THSD7B: variants seen among roughly 807,000 people sequenced by gnomAD.
THSD7B encodes thrombospondin type-1 domain-containing protein 7B.
Under a neutral mutation model 213.6 loss-of-function variants are expected in THSD7B, and 138 were observed. That is an observed-to-expected ratio of 0.65 (90% confidence interval 0.56 to 0.74). The LOEUF (loss-of-function observed/expected upper bound fraction) is 0.74, where lower values mean the gene tolerates loss of function less well. THSD7B is among the 30% of genes least tolerant of loss of function. The probability of loss-of-function intolerance (pLI) is 0.00; values close to 1 mark genes in which losing one functional copy is unlikely to be tolerated. For synonymous variants in THSD7B, 742 were observed against 687.0 expected, an observed-to-expected ratio of 1.08 and a Z score of -1.25; for missense variants, 1,931 against 1,991.5, an observed-to-expected ratio of 0.97 and a Z score of 0.58.
At chr2:137,600,069 T>G (rs941357302) in intron 17 of THSD7B, among the ~76,000 whole-genome samples, 1 of 152,108 alleles carries the variant, frequency 6.6e-6, no homozygotes, top group African/African-American at 2.4e-5. Context: ...CTCTCCCTTT[T>G]CTGCTTCCCC....
intron 15 of THSD7B, among the ~76,000 whole-genome samples, chr2:137,560,872 G>T (rs567391458): frequency 6.6e-5 from 10 of 152,096 alleles, no homozygotes; most frequent in Middle Eastern, 3.2e-3. Context: ...CTGGCTTAAA[G>T]CTGGGACTGT....
intron 15 of THSD7B, among the ~76,000 whole-genome samples, chr2:137,522,671 T>C (rs1442072042): frequency 5.3e-5 from 8 of 152,200 alleles, no homozygotes; most frequent in Non-Finnish European, 1.2e-4. Flanking sequence ...ATTGACATTG[T>C]CATAAATCCA....
rs572530208 is a variant in THSD7B, at chr2:137,104,172, A to C, written c.1199+9051A>C. Among the ~76,000 whole-genome samples, 8 of 152,336 alleles carry C rather than the reference A, an allele frequency of 5.3e-5. No homozygotes were observed. In the South Asian group the frequency reaches 1.0e-3, roughly 20 times the overall value. On this transcript the variant is annotated intron_variant, in intron 4 of 27. Coordinates refer to ENST00000409968, the MANE Select transcript of THSD7B (RefSeq NM_001316349.2). ...GCAAATGTAAAAGAACAGAAATAAT[A>C]ACAAACAGTCTCTCAGACCACAGTG...
intron 1 of THSD7B, among the ~76,000 whole-genome samples, chr2:136,875,464 A>T (rs1457158843): frequency 1.3e-5 from 2 of 148,260 alleles, no homozygotes; most frequent in Non-Finnish European, 3.0e-5. Context: ...ACTTTCCGTC[A>T]GCTCAGTAGA....
chr2:137,193,774 G>T (rs1278427026), intron 7 of THSD7B, among the ~76,000 whole-genome samples: 2 of 151,746 alleles, frequency 1.3e-5, no homozygotes, highest in African/African-American at 2.4e-5. Context: ...AACTCATAAG[G>T]TTACGGGATG....
At chr2:137,625,121 T>C (rs1246834930) in intron 20 of THSD7B, among the ~76,000 whole-genome samples, 2 of 152,040 alleles carry the variant, frequency 1.3e-5, no homozygotes, top group Non-Finnish European at 2.9e-5. Flanking sequence ...GTGGCACATA[T>C]ACACCATGGA....
At chr2:136,866,914 T>G (rs1683343012) in intron 1 of THSD7B, among the ~76,000 whole-genome samples, 2 of 150,238 alleles carry the variant, frequency 1.3e-5, no homozygotes, top group Non-Finnish European at 3.0e-5. Flanking sequence ...TCCATATGTG[T>G]TTGAGGTTGC....
chr2:136,780,439 C>T (rs1054099212), intron 1 of THSD7B, among the ~76,000 whole-genome samples: 12 of 152,208 alleles, frequency 7.9e-5, no homozygotes, highest in Admixed American at 7.9e-4. Context: ...TGGTGAGACA[C>T]AAACATTCAG....
At chr2:137,407,608 T>C (rs563762503) in intron 13 of THSD7B, among the ~76,000 whole-genome samples, 1 of 152,298 alleles carries the variant, frequency 6.6e-6, no homozygotes, top group African/African-American at 2.4e-5. Flanking sequence ...ATAAACAATC[T>C]CTAACATGAA....
intron 14 of THSD7B, among the ~76,000 whole-genome samples, chr2:137,446,544 C>T (rs1687543993): frequency 6.6e-6 from 1 of 151,946 alleles, no homozygotes. Context: ...TTTTGAGCAT[C>T]TACTATGTAT....
intron 15 of THSD7B, among the ~76,000 whole-genome samples, chr2:137,465,877 A>G (rs1687982406): frequency 1.3e-5 from 2 of 152,120 alleles, no homozygotes; most frequent in Admixed American, 1.3e-4. Flanking sequence ...AGCTTCCAAC[A>G]ACTTTCTATT....
Position 136,801,033 on chromosome 2 carries a change from C to T in THSD7B, c.-36+35346C>T, listed in dbSNP as rs116395598. Among the ~76,000 whole-genome samples, 1,426 of 151,800 alleles carry T rather than the reference C, an allele frequency of 9.4e-3. 26 individuals carry two copies. The highest frequency in any genetic ancestry group is 0.032 in the African/African-American group (1,314 of 41,456). On this transcript the variant is annotated intron_variant, in intron 1 of 27. Transcript: ENST00000409968. ...GACCTGGAGTTTTTTTTTCCTTTGT[C>T]CCTCTTTACCCACTGTGTGTACGTC...
At chr2:137,529,782 G>A (rs905446749) in intron 15 of THSD7B, among the ~76,000 whole-genome samples, 2 of 151,862 alleles carry the variant, frequency 1.3e-5, no homozygotes, top group African/African-American at 4.8e-5. Context: ...AGATTGAGAT[G>A]AGTAATGAGA....
At chr2:136,887,125 G>C (rs1443935335) in intron 2 of THSD7B, among the ~76,000 whole-genome samples, 1 of 152,090 alleles carries the variant, frequency 6.6e-6, no homozygotes, top group Non-Finnish European at 1.5e-5. Flanking sequence ...CCACTTCAAA[G>C]TATACAATTC....
intron 15 of THSD7B, among the ~76,000 whole-genome samples, chr2:137,519,891 A>G (rs945208089): frequency 7.2e-5 from 11 of 152,216 alleles, no homozygotes; most frequent in Non-Finnish European, 1.6e-4. Flanking sequence ...AAAAGGAAAC[A>G]TATCTCAGAG....
intron 2 of THSD7B, among the ~76,000 whole-genome samples, chr2:136,971,987 C>T (rs761245463): frequency 7.2e-5 from 11 of 152,036 alleles, no homozygotes; most frequent in Non-Finnish European, 5.9e-5. Context: ...ATGATAAAGT[C>T]CAGACACAGA....
At chr2:137,298,601 G>A (rs905034290) in intron 12 of THSD7B, among the ~76,000 whole-genome samples, 8 of 152,130 alleles carry the variant, frequency 5.3e-5, no homozygotes, top group Admixed American at 1.3e-4. Context: ...AAGAGGTTTC[G>A]TGGGCTGGGC....
chr2:137,569,215 T>G (rs766452245), intron 16 of THSD7B, among the ~76,000 whole-genome samples: 4 of 152,078 alleles, frequency 2.6e-5, no homozygotes, highest in African/African-American at 4.8e-5. Flanking sequence ...TCTCTAGGAG[T>G]GCAGCTCTGC....
intron 27 of THSD7B, among the ~76,000 whole-genome samples, chr2:137,669,766 T>C (rs1040184229): frequency 1.3e-5 from 2 of 152,216 alleles, no homozygotes; most frequent in African/African-American, 4.8e-5. Context: ...TGGTTCCCAT[T>C]TCCCCTAAGT....
Sources: gnomAD v4.1 joint callset for allele counts (sites outside exome capture counted in the v4.1 genomes callset) on GRCh38, gnomAD v4.1.1 for gene constraint, MANE v1.5 for transcripts, NCBI Gene and HGNC (gene_info 2026-07-23, HGNC 2026-07-21) for gene names.